Variants in ATP8B4 observed in about 807,000 individuals in gnomAD.
ATP8B4 encodes probable phospholipid-transporting ATPase IM.
In ATP8B4, 133 loss-of-function variants were observed where a neutral mutation model predicts 145.6. The ratio of observed to expected loss-of-function variants is 0.91; its 90% CI spans 0.79 to 1.05. ATP8B4 has a LOEUF of 1.05. ATP8B4 is among the 50% of genes least tolerant of loss of function. The probability of loss-of-function intolerance (pLI) is 0.00; values close to 1 mark genes in which losing one functional copy is unlikely to be tolerated. For missense variants in ATP8B4, 1,458 were observed against 1,425.2 expected (o/e 1.02, Z -0.37); for synonymous variants, 507 against 492.9 (o/e 1.03, Z -0.38).
At chr15:49,961,852 A>T in intron 14 of ATP8B4, 125 bp downstream of exon 14, 1 of 741,806 alleles carries the variant, frequency 1.3e-6, no homozygotes, top group Admixed American at 3.5e-5. Context: ...TCTATTTTTT[A>T]ATGCTATGCA....
chr15:50,149,021 C>T (rs143659910), intron 1 of ATP8B4, among the ~76,000 whole-genome samples: 1 of 152,164 alleles, frequency 6.6e-6, no homozygotes, highest in Non-Finnish European at 1.5e-5. Flanking sequence ...AATAACAATA[C>T]ATCATGCTAT....
intron 6 of ATP8B4, among the ~76,000 whole-genome samples, chr15:50,013,908 A>C (rs2048896411): frequency 6.6e-6 from 1 of 152,182 alleles, no homozygotes; most frequent in South Asian, 2.1e-4. Flanking sequence ...AATCTCCTTG[A>C]GAAAATGCAA....
At chr15:50,016,112 C>G (rs143886644) in intron 6 of ATP8B4, among the ~76,000 whole-genome samples, 1 of 152,324 alleles carries the variant, frequency 6.6e-6, no homozygotes, top group African/African-American at 2.4e-5. Flanking sequence ...ATTTAGTCTT[C>G]CTATTTTGAA....
chr15:49,897,563 C>T (rs375609147), intron 22 of ATP8B4, 48 bp from the exon 23 acceptor site: 2 of 1,402,904 alleles, frequency 1.4e-6, no homozygotes, highest in Non-Finnish European at 1.9e-6. Flanking sequence ...AAGCCACGAT[C>T]TCTTTTGGAA....
At chr15:49,966,545 C>G (rs879861475) in intron 13 of ATP8B4, among the ~76,000 whole-genome samples, 3 of 152,222 alleles carry the variant, frequency 2.0e-5, no homozygotes, top group Non-Finnish European at 4.4e-5. Context: ...AGCAAAGCCT[C>G]TGTAGCCAGA....
intron 1 of ATP8B4, among the ~76,000 whole-genome samples, chr15:50,173,081 GCAGCCCCCGCC>G (rs1417037098): frequency 1.4e-5 from 2 of 145,114 alleles, no homozygotes; most frequent in Non-Finnish European, 3.0e-5. Context: ...GAGGTGGGGG[GCAGCCCCCGCC>G]CAGCCGCCGC....
intron 2 of ATP8B4, among the ~76,000 whole-genome samples, chr15:50,084,847 C>G (rs1288057631): frequency 6.6e-6 from 1 of 152,060 alleles, no homozygotes; most frequent in Admixed American, 6.6e-5. Context: ...CTCCTGCCTC[C>G]CTCTGATAAG....
intron 1 of ATP8B4, among the ~76,000 whole-genome samples, chr15:50,176,681 T>C (rs1450849901): frequency 1.3e-5 from 2 of 152,136 alleles, no homozygotes; most frequent in Non-Finnish European, 2.9e-5. Context: ...ATCTGGAGAA[T>C]TAGCACACAT....
chr15:50,137,996 T>C (rs1043066668), intron 1 of ATP8B4, among the ~76,000 whole-genome samples: 1 of 152,194 alleles, frequency 6.6e-6, no homozygotes, highest in African/African-American at 2.4e-5. Flanking sequence ...GAGCACAACC[T>C]GCCAACCGTA....
chr15:49,996,309 C>T (rs1415517650), intron 9 of ATP8B4, among the ~76,000 whole-genome samples: 1 of 151,912 alleles, frequency 6.6e-6, no homozygotes, highest in Non-Finnish European at 1.5e-5. Flanking sequence ...TGTTATGGAG[C>T]CAGGAAATGG....
At chr15:49,911,825 C>A (rs2039260219) in intron 20 of ATP8B4, among the ~76,000 whole-genome samples, 1 of 152,040 alleles carries the variant, frequency 6.6e-6, no homozygotes, top group Non-Finnish European at 1.5e-5. Context: ...AAACTGAAGT[C>A]ATATCAAGTA....
At chr15:50,018,845 A>G in intron 6 of ATP8B4, 3 of 898,236 alleles carry the variant, frequency 3.3e-6, no homozygotes, top group Non-Finnish European at 4.6e-6. Flanking sequence ...AATCATGGGT[A>G]AAATATCTCT....
intron 14 of ATP8B4, among the ~76,000 whole-genome samples, chr15:49,936,802 T>C (rs1247302408): frequency 6.6e-6 from 1 of 152,134 alleles, no homozygotes; most frequent in Non-Finnish European, 1.5e-5. Flanking sequence ...ATCTGCCAGT[T>C]GACCCTTTAT....
chr15:50,157,151 A>G (rs2044431711), intron 1 of ATP8B4, among the ~76,000 whole-genome samples: 1 of 152,236 alleles, frequency 6.6e-6, no homozygotes, highest in Non-Finnish European at 1.5e-5. Context: ...TAAGTTCTGT[A>G]AAAACCAGAG....
intron 2 of ATP8B4, among the ~76,000 whole-genome samples, chr15:50,100,663 G>C (rs75277092): frequency 0.044 from 6,764 of 152,250 alleles, 200 homozygotes; most frequent in Non-Finnish European, 0.066. Context: ...TGATACAAAT[G>C]ATGGTGATCA....
chr15:50,047,317 A>G (rs1338138539), intron 4 of ATP8B4, 34 bp downstream of exon 4: 1 of 1,328,778 alleles, frequency 7.5e-7, no homozygotes, highest in Admixed American at 1.8e-5. Flanking sequence ...ACTTTAAACA[A>G]ACAGATAATA....
intron 10 of ATP8B4, among the ~76,000 whole-genome samples, chr15:49,985,349 G>A (rs573970398): frequency 1.3e-5 from 2 of 152,268 alleles, no homozygotes; most frequent in African/African-American, 4.8e-5. Flanking sequence ...ACCCGCCTCA[G>A]CCTCCCAAAG....
chr15:50,008,899 C>G (rs2048514139), intron 7 of ATP8B4, among the ~76,000 whole-genome samples: 2 of 152,122 alleles, frequency 1.3e-5, no homozygotes, highest in Admixed American at 1.3e-4. Context: ...TAAAAACAAA[C>G]CTAGCATTGC....
intron 16 of ATP8B4, among the ~76,000 whole-genome samples, chr15:49,929,055 C>A (rs932051008): frequency 1.3e-5 from 2 of 152,062 alleles, no homozygotes; most frequent in African/African-American, 2.4e-5. Flanking sequence ...TGAGGCCCAG[C>A]AATCTGTATT....
Sources: allele counts gnomAD v4.1 joint callset (sites outside exome capture counted in the v4.1 genomes callset), GRCh38; gene constraint gnomAD v4.1.1; transcripts MANE v1.5; gene names NCBI Gene and HGNC (gene_info 2026-07-23, HGNC 2026-07-21).